Variants in KCNH7 observed in about 807,000 individuals in gnomAD.
KCNH7 encodes the protein voltage-gated inwardly rectifying potassium channel KCNH7.
In KCNH7, 49 loss-of-function variants were observed where a neutral mutation model predicts 120.8. The observed-to-expected ratio is 0.41, with a 90% CI of 0.32 to 0.51. The LOEUF is 0.51. KCNH7 is among the 20% of genes least tolerant of loss of function. KCNH7 has a pLI of 0.38. For synonymous variants in KCNH7, 547 were observed against 516.1 expected (o/e 1.06, Z -0.81); for missense variants, 1,097 against 1,446.6 (o/e 0.76, Z 3.92).
intron 9 of KCNH7, among the ~76,000 whole-genome samples, chr2:162,413,551 A>G (rs1051086956): frequency 1.5e-4 from 23 of 152,182 alleles, no homozygotes; most frequent in African/African-American, 5.1e-4. Context: ...TGAAAAAAGA[A>G]TGGCTTATTT....
At chr2:162,385,066 G>T in intron 12 of KCNH7, 127 bp from the exon 13 acceptor site, 1 of 632,940 alleles carries the variant, frequency 1.6e-6, no homozygotes, top group South Asian at 2.8e-5. Context: ...TAGCTACTTG[G>T]GTACTCAATT....
At chr2:162,811,294 G>C (rs868430897) in intron 2 of KCNH7, among the ~76,000 whole-genome samples, 6 of 152,236 alleles carry the variant, frequency 3.9e-5, no homozygotes, top group Middle Eastern at 6.8e-3. Flanking sequence ...AAAGATGACT[G>C]GAGAAAGGAT....
chr2:162,422,536 A>G (rs1687740387), intron 9 of KCNH7, among the ~76,000 whole-genome samples: 1 of 152,030 alleles, frequency 6.6e-6, no homozygotes, highest in African/African-American at 2.4e-5. Context: ...TTTGTTGTAT[A>G]ATTTATTTAG....
chr2:162,469,226 A>G (rs1689412538), intron 6 of KCNH7, among the ~76,000 whole-genome samples: 1 of 152,228 alleles, frequency 6.6e-6, no homozygotes, highest in Non-Finnish European at 1.5e-5. Context: ...CTATAATAAA[A>G]AGTAAAGCCT....
chr2:162,589,331 G>A (rs1042675412), intron 2 of KCNH7, among the ~76,000 whole-genome samples: 2 of 152,008 alleles, frequency 1.3e-5, no homozygotes, highest in Non-Finnish European at 2.9e-5. Context: ...TTAACAAGAG[G>A]CAGAGAAATG....
chr2:162,803,242 TTTCCATAAGTGAGGAA>T (rs1684412227), intron 2 of KCNH7, among the ~76,000 whole-genome samples: 1 of 151,806 alleles, frequency 6.6e-6, no homozygotes, highest in Non-Finnish European at 1.5e-5. Context: ...TTTAGTTCAA[TTTCCATAAGTGAGGAA>T]TTAACTTTGA....
At chr2:162,577,365 CTAT>C (rs879590128) in intron 2 of KCNH7, among the ~76,000 whole-genome samples, 1,534 of 141,200 alleles carry the variant, frequency 0.011, 14 homozygotes, top group Non-Finnish European at 0.013. Context: ...ATCTATCTAT[CTAT>C]CTATCTATCT....
At chr2:162,471,719 C>T (rs7560810) in intron 6 of KCNH7, among the ~76,000 whole-genome samples, 11,203 of 152,108 alleles carry the variant, frequency 0.074, 1,319 homozygotes, top group African/African-American at 0.25. Flanking sequence ...ACTTTCTTCA[C>T]AGAATTGGAA....
At chr2:162,619,065 T>A (rs1407223741) in intron 2 of KCNH7, among the ~76,000 whole-genome samples, 1 of 152,170 alleles carries the variant, frequency 6.6e-6, no homozygotes, top group Non-Finnish European at 1.5e-5. Context: ...CAGTTTCCAC[T>A]GAACGTTCAA....
chr2:162,706,866 T>A (rs553626355), intron 2 of KCNH7, among the ~76,000 whole-genome samples: 13 of 152,262 alleles, frequency 8.5e-5, no homozygotes, highest in African/African-American at 2.9e-4. Context: ...GTCTGGTCAT[T>A]TAAACCAATA....
rs959281897 is a variant in KCNH7 at position 162,554,903 on chromosome 2, C to T, written c.308-17823G>A. Among the ~76,000 whole-genome samples, 33 of 152,202 alleles carry T rather than the reference C, an allele frequency of 2.2e-4. 1 individual carries two copies. Among genetic ancestry groups the T allele is most frequent in the Non-Finnish European group, 4.4e-5 (3 of 68,038 alleles). ...CCTTTTTCCAGGGCCATTATTCAGC[C>T]TACCACATGGAATAGCTTTCATTTA... On this transcript the variant is annotated intron_variant, in intron 2 of 15. Transcript: ENST00000332142.
intron 2 of KCNH7, among the ~76,000 whole-genome samples, chr2:162,678,663 A>G (rs1685608307): frequency 6.6e-6 from 1 of 151,490 alleles, no homozygotes; most frequent in African/African-American, 2.4e-5. Context: ...AGTCCATGAG[A>G]GTAAGAAACT....
chr2:162,510,454 G>A (rs1691033003), intron 5 of KCNH7, among the ~76,000 whole-genome samples: 1 of 151,344 alleles, frequency 6.6e-6, no homozygotes, highest in Admixed American at 6.6e-5. Flanking sequence ...GCACTAACAC[G>A]GACTTCCCGA....
intron 2 of KCNH7, among the ~76,000 whole-genome samples, chr2:162,653,487 C>T (rs1684637674): frequency 6.6e-6 from 1 of 152,092 alleles, no homozygotes; most frequent in African/African-American, 2.4e-5. Flanking sequence ...ACAATAGCTT[C>T]AATAAATACA....
At chr2:162,538,956 A>G (rs1692206211) in intron 2 of KCNH7, among the ~76,000 whole-genome samples, 1 of 152,112 alleles carries the variant, frequency 6.6e-6, no homozygotes, top group South Asian at 2.1e-4. Flanking sequence ...CTTTATTTAT[A>G]ACTAATTTCA....
intron 2 of KCNH7, among the ~76,000 whole-genome samples, chr2:162,715,196 G>A (rs767314617): frequency 6.6e-6 from 1 of 152,192 alleles, no homozygotes; most frequent in African/African-American, 2.4e-5. Flanking sequence ...GGAAGCATCT[G>A]TTTCTGGGGA....
At chr2:162,738,294 C>A (rs1222082745) in intron 2 of KCNH7, among the ~76,000 whole-genome samples, 1 of 152,038 alleles carries the variant, frequency 6.6e-6, no homozygotes, top group Non-Finnish European at 1.5e-5. Flanking sequence ...GACCCTACTC[C>A]CTCTGTGTAT....
chr2:162,396,652 T>G (rs1452147390), intron 11 of KCNH7, 88 bp downstream of exon 11: 1 of 910,732 alleles, frequency 1.1e-6, no homozygotes, highest in East Asian at 2.7e-5. Flanking sequence ...GCTGCAATAT[T>G]TTGCTTGATT....
At chr2:162,487,489 G>A (rs1398200353) in intron 6 of KCNH7, among the ~76,000 whole-genome samples, 1 of 152,066 alleles carries the variant, frequency 6.6e-6, no homozygotes, top group Non-Finnish European at 1.5e-5. Flanking sequence ...TGGGGAGGAG[G>A]GAGAGGGAGA....
Sources: allele counts gnomAD v4.1 joint callset (sites outside exome capture counted in the v4.1 genomes callset), GRCh38; gene constraint gnomAD v4.1.1; transcripts MANE v1.5; gene names NCBI Gene and HGNC (gene_info 2026-07-23, HGNC 2026-07-21).